CWF19L2: variants seen among roughly 807,000 people sequenced by gnomAD.
CWF19L2 encodes the protein CWF19 like cell cycle control factor 2, also known as CWF19-like protein 2.
In CWF19L2, 98 loss-of-function variants were observed where a neutral mutation model predicts 111.7. That is an observed-to-expected ratio of 0.88 (90% CI 0.75 to 1.04). The LOEUF is 1.04. CWF19L2 is among the 50% of genes least tolerant of loss of function. CWF19L2 has a pLI of 0.00. For synonymous variants in CWF19L2, 351 were observed against 342.9 expected, an observed-to-expected ratio of 1.02 and a Z score of -0.26; for missense variants, 1,101 against 1,051.4, an observed-to-expected ratio of 1.05 and a Z score of -0.65.
chr11:107,423,991 G>C (rs1342639817), intron 8 of CWF19L2, among the ~76,000 whole-genome samples: 3 of 151,572 alleles, frequency 2.0e-5, no homozygotes, highest in Non-Finnish European at 4.4e-5. Context: ...TCTAATGTGA[G>C]CTTCTCATGA....
At chr11:107,446,733 G>A (rs76606378) in intron 3 of CWF19L2, among the ~76,000 whole-genome samples, 1,937 of 152,268 alleles carry the variant, frequency 0.013, 34 homozygotes, top group African/African-American at 0.044. Flanking sequence ...TAAATGAAAT[G>A]TCTTTTTCTA....
intron 10 of CWF19L2, among the ~76,000 whole-genome samples, chr11:107,407,385 A>C (rs1363118230): frequency 4.8e-5 from 7 of 144,616 alleles, no homozygotes; most frequent in Admixed American, 2.1e-4. Context: ...CCCTCCATCT[A>C]ACCCTTCCCC....
chr11:107,412,554 T>C (rs1007630991), intron 10 of CWF19L2, among the ~76,000 whole-genome samples: 1 of 152,184 alleles, frequency 6.6e-6, no homozygotes, highest in Admixed American at 6.6e-5. Flanking sequence ...TTGGCCAGGC[T>C]AGTCTCGAAC....
chr11:107,370,279 T>C (rs1404275133), intron 12 of CWF19L2, among the ~76,000 whole-genome samples: 1 of 137,180 alleles, frequency 7.3e-6, no homozygotes, highest in African/African-American at 2.9e-5. Flanking sequence ...CAATAAATCA[T>C]GCTAACTAAC....
chr11:107,444,832 C>T (rs575409860), intron 3 of CWF19L2, among the ~76,000 whole-genome samples: 3 of 152,260 alleles, frequency 2.0e-5, no homozygotes, highest in African/African-American at 7.2e-5. Flanking sequence ...TTCAAGCCTA[C>T]CATTTTCATT....
At chr11:107,403,621 A>T in intron 10 of CWF19L2, 1 of 779,294 alleles carries the variant, frequency 1.3e-6, no homozygotes, top group Non-Finnish European at 2.4e-6. Flanking sequence ...TCTCCATTGG[A>T]ATGTTCTCCT....
chr11:107,450,826 G>A (rs1861768126), intron 3 of CWF19L2, among the ~76,000 whole-genome samples: 1 of 152,110 alleles, frequency 6.6e-6, no homozygotes, highest in Admixed American at 6.6e-5. Flanking sequence ...AGCTGTCTAT[G>A]TACCTAATAA....
chr11:107,442,922 T>C lies in CWF19L2; in HGVS notation c.450+17A>G. The C allele has an allele frequency of 6.9e-7, 1 of 1,454,084 alleles. No homozygotes were observed. The allele number at this position is 1,454,084 out of a possible 1,614,324, so 90.1% of individuals were successfully genotyped here. On this transcript the variant is annotated intron_variant, in intron 4 of 17. Transcript: ENST00000282251. ...GAAGGAAGAAAGCAAGGAAGGAAAA[T>C]CAAGTGGCTTGCTTACCTTGATAAT...
intron 9 of CWF19L2, among the ~76,000 whole-genome samples, chr11:107,417,869 C>G (rs1861249716): frequency 2.6e-5 from 4 of 151,872 alleles, no homozygotes; most frequent in Admixed American, 2.6e-4. Flanking sequence ...AAGCGATTCT[C>G]CTGCCTCAGC....
At chr11:107,328,255 A>C (rs2134515268) in intron 17 of CWF19L2, among the ~76,000 whole-genome samples, 1 of 152,254 alleles carries the variant, frequency 6.6e-6, no homozygotes, top group East Asian at 1.9e-4. Flanking sequence ...GATAGTAGAA[A>C]AGAGAAATAG....
At position 107,441,511 on chromosome 11, in the gene CWF19L2, G is replaced by T; in HGVS notation, c.562C>A (p.Leu188Ile). 2 of 1,535,092 alleles carry T rather than the reference G, an allele frequency of 1.3e-6. No individual in the cohort carries two copies. ...RKIEQEKNQA[L>I]EQSKLMEREL... ...TTCAAATATTCTCTTACCTGTTCAAGCGCTTGGTTTTTCTCTTGCTCTATT... is the reference window on the plus strand; with the variant it reads ...TTCAAATATTCTCTTACCTGTTCAATCGCTTGGTTTTTCTCTTGCTCTATT... The change falls in exon 5 of 18, where the codon CTT becomes ATT. Residue 188 changes from leucine to isoleucine, a missense_variant. Coordinates refer to ENST00000282251, the MANE Select transcript of CWF19L2 (RefSeq NM_152434.3).
intron 8 of CWF19L2, among the ~76,000 whole-genome samples, chr11:107,419,967 A>G (rs1305978606): frequency 6.6e-6 from 1 of 152,140 alleles, no homozygotes; most frequent in African/African-American, 2.4e-5. Flanking sequence ...GGAATAGCAT[A>G]TCACTTGAAG....
intron 12 of CWF19L2, among the ~76,000 whole-genome samples, chr11:107,373,363 A>G (rs981919733): frequency 7.5e-6 from 1 of 133,922 alleles, no homozygotes; most frequent in East Asian, 2.2e-4. Context: ...GCAGACTTAA[A>G]TGCCCCTGTC....
intron 3 of CWF19L2, 24 bp downstream of exon 3, chr11:107,454,426 T>C (rs1438390962): frequency 7.5e-7 from 1 of 1,328,628 alleles, no homozygotes; most frequent in Non-Finnish European, 9.7e-7. Flanking sequence ...ATAGCTGCTT[T>C]GATTAATTTT....
chr11:107,437,736 A>G (rs1388639666), intron 6 of CWF19L2, among the ~76,000 whole-genome samples: 1 of 152,174 alleles, frequency 6.6e-6, no homozygotes, highest in Non-Finnish European at 1.5e-5. Flanking sequence ...AAAACTCTGG[A>G]TCTTCTCCAC....
At chr11:107,355,355 C>A (rs575534709) in intron 12 of CWF19L2, among the ~76,000 whole-genome samples, 3 of 150,546 alleles carry the variant, frequency 2.0e-5, no homozygotes, top group South Asian at 4.2e-4. Flanking sequence ...ATGGAGGTTG[C>A]AGTGAGCCAA....
intron 12 of CWF19L2, among the ~76,000 whole-genome samples, chr11:107,384,185 A>G (rs963269877): frequency 3.9e-5 from 6 of 152,226 alleles, no homozygotes; most frequent in African/African-American, 9.6e-5. Context: ...CCAAGGCCCA[A>G]GATCCATTTT....
intron 6 of CWF19L2, 52 bp downstream of exon 6, chr11:107,439,038 A>AAG (rs1861581494): frequency 2.6e-6 from 2 of 755,006 alleles, no homozygotes; most frequent in African/African-American, 1.8e-5. Flanking sequence ...CTGTCTCGAA[A>AAG]AAAAAAAAAA....
chr11:107,390,023 C>T, intron 12 of CWF19L2, 51 bp downstream of exon 12: 1 of 1,524,760 alleles, frequency 6.6e-7, no homozygotes, highest in Non-Finnish European at 9.0e-7. Context: ...CACTGTTACA[C>T]TGAATAATCA....
Sources: gnomAD v4.1 joint callset for allele counts (sites outside exome capture counted in the v4.1 genomes callset) on GRCh38, gnomAD v4.1.1 for gene constraint, MANE v1.5 for transcripts, NCBI Gene and HGNC (gene_info 2026-07-23, HGNC 2026-07-21) for gene names.